Variants in UTRN observed in about 807,000 individuals in gnomAD.
The protein encoded by UTRN is dystrophin-related protein 1.
In UTRN, 283 loss-of-function variants were observed where a neutral mutation model predicts 463.9. The ratio of observed to expected loss-of-function variants is 0.61; its 90% CI spans 0.55 to 0.67. The LOEUF is 0.67. UTRN is among the 30% of genes least tolerant of loss of function. The pLI is 0.00. For synonymous variants in UTRN, 1,442 were observed against 1,431.5 expected (o/e 1.01, Z -0.17); for missense variants, 3,922 against 4,084.3 (o/e 0.96, Z 1.08).
At chr6:144,433,507 G>C (rs1474708720) in intron 9 of UTRN, among the ~76,000 whole-genome samples, 19 of 152,014 alleles carry the variant, frequency 1.2e-4, no homozygotes, top group African/African-American at 3.4e-4. Context: ...CTTCCCAGAC[G>C]GGGTGGCTGC....
intron 7 of UTRN, 74 bp downstream of exon 7, chr6:144,426,533 A>T: frequency 7.0e-7 from 1 of 1,438,600 alleles, no homozygotes; most frequent in Non-Finnish European, 9.3e-7. Flanking sequence ...TGCCACCACT[A>T]CTCCCTGAAG....
At chr6:144,384,698 G>A (rs1208785133) in intron 2 of UTRN, among the ~76,000 whole-genome samples, 1 of 152,128 alleles carries the variant, frequency 6.6e-6, no homozygotes, top group East Asian at 1.9e-4. Flanking sequence ...TTAGCACACT[G>A]TCCTCCATGT....
intron 2 of UTRN, among the ~76,000 whole-genome samples, chr6:144,369,582 C>T (rs1277190509): frequency 6.6e-6 from 1 of 152,224 alleles, no homozygotes; most frequent in Non-Finnish European, 1.5e-5. Flanking sequence ...TGCCACTGCA[C>T]TCCAGCCTGG....
chr6:144,602,444 C>T (rs930271730), intron 51 of UTRN, among the ~76,000 whole-genome samples: 5 of 151,996 alleles, frequency 3.3e-5, no homozygotes, highest in African/African-American at 1.2e-4. Flanking sequence ...CGGCCTCCTA[C>T]AGCATATTTC....
chr6:144,827,438 G>C (rs773669705), intron 67 of UTRN, 52 bp downstream of exon 67: 2 of 1,610,758 alleles, frequency 1.2e-6, no homozygotes, highest in Non-Finnish European at 1.7e-6. Flanking sequence ...AGTGGTACTA[G>C]CATGGGGGTC....
chr6:144,368,949 T>C (rs1779749084), intron 2 of UTRN, among the ~76,000 whole-genome samples: 1 of 152,210 alleles, frequency 6.6e-6, no homozygotes, highest in Non-Finnish European at 1.5e-5. Flanking sequence ...GTTTGGTTTA[T>C]CTTTTAATTT....
At chr6:144,746,143 G>A (rs571141081) in intron 54 of UTRN, among the ~76,000 whole-genome samples, 1 of 152,006 alleles carries the variant, frequency 6.6e-6, no homozygotes, top group South Asian at 2.1e-4. Context: ...TGGGACTACA[G>A]GCATGCGCTA....
At chr6:144,831,678 C>T (rs1780685832) in intron 69 of UTRN, among the ~76,000 whole-genome samples, 1 of 152,142 alleles carries the variant, frequency 6.6e-6, no homozygotes. Context: ...AAAAATTGAG[C>T]AGTGACATCT....
rs144000098 is a variant in UTRN, at chr6:144,446,231, G to A, written c.1615-980G>A. Among the ~76,000 whole-genome samples, 492 of 152,120 alleles carry A rather than the reference G, an allele frequency of 3.2e-3. 11 individuals are homozygous for A. In the South Asian group the frequency reaches 0.048, roughly 15 times the overall value. ...TTAGGTTTTAAACTGACCTTTCATC[G>A]TGTTCTATAATGATCTGACATTTTA... On this transcript the variant is annotated intron_variant, in intron 14 of 74. Transcript: ENST00000367545.
Position 144,403,081 on chromosome 6 carries a change from ACT to A in UTRN, c.80-38_80-37del, listed in dbSNP as rs768754430. 3 of 1,562,576 alleles carry A rather than the reference ACT, an allele frequency of 1.9e-6. No homozygotes were observed. The South Asian group carries it at 3.4e-5, about 17-fold the overall frequency. On this transcript the variant is annotated intron_variant, in intron 2 of 74. Transcript: ENST00000367545. ...ATTTGGTGCTTTACTAAAGGTACAG[ACT>A]CTCATACTTTTTCCTTCTCTTTCTT...
At position 144,839,243 on chromosome 6, in the gene UTRN, C is replaced by T. The variant is rs1034994522; in HGVS notation, c.10136C>T (p.Ser3379Leu). Reference sequence around the variant, plus strand: ...CCTCAGCATTCTGCACTGAGCTACTCGCTTGATCCAGATGCCTCCGGCCCA... The same window carrying T: ...CCTCAGCATTCTGCACTGAGCTACTTGCTTGATCCAGATGCCTCCGGCCCA... ...ASPQHSALSY[S>L]LDPDASGPQF... Residue 3379 changes from serine to leucine, a missense_variant, in exon 72 of 75, where the codon TCG becomes TTG. Ser to Leu is a moderately radical substitution (Grantham distance 145). This residue lies in a region of UTRN where 1,309 missense variants were observed against 1,452.6 expected (regional missense o/e 0.90). Transcript: ENST00000367545. The T allele has an allele frequency of 1.1e-5, 17 of 1,614,030 alleles. No individual in the cohort carries two copies. Among genetic ancestry groups the T allele is most frequent in the East Asian group, 6.7e-5 (3 of 44,866 alleles).
intron 3 of UTRN, among the ~76,000 whole-genome samples, chr6:144,412,716 A>ATGTTTG (rs1784006927): frequency 7.1e-6 from 1 of 140,762 alleles, no homozygotes; most frequent in Admixed American, 7.0e-5. Context: ...TACACTATAT[A>ATGTTTG]TGTTTGTGTG....
At chr6:144,669,400 A>G (rs571535267) in intron 51 of UTRN, among the ~76,000 whole-genome samples, 1 of 152,162 alleles carries the variant, frequency 6.6e-6, no homozygotes, top group Non-Finnish European at 1.5e-5. Flanking sequence ...GCATATGCCA[A>G]TTAAAGTATG....
chr6:144,596,762 A>G (rs948552329), intron 51 of UTRN, among the ~76,000 whole-genome samples: 1 of 152,132 alleles, frequency 6.6e-6, no homozygotes, highest in African/African-American at 2.4e-5. Context: ...ATTATTCTGT[A>G]TGCTTGAATA....
At chr6:144,635,514 C>CTTTTTTTTTTTTTTTTTTTTTTTT (rs1402815648) in intron 51 of UTRN, among the ~76,000 whole-genome samples, 11 of 80,008 alleles carry the variant, frequency 1.4e-4, no homozygotes, top group Non-Finnish European at 1.6e-4. Flanking sequence ...CTTTTTTTTT[C>CTTTTTTTTTTTTTTTTTTTTTTTT]TTTTTTTTTT....
chr6:144,431,487 T>C (rs1310636597), intron 9 of UTRN, among the ~76,000 whole-genome samples: 1 of 152,250 alleles, frequency 6.6e-6, no homozygotes, highest in Non-Finnish European at 1.5e-5. Flanking sequence ...ACTCTCCTAA[T>C]AGTCAGACTT....
chr6:144,681,882 A>C (rs1284268264), intron 52 of UTRN, among the ~76,000 whole-genome samples: 1 of 152,112 alleles, frequency 6.6e-6, no homozygotes, highest in Non-Finnish European at 1.5e-5. Flanking sequence ...ATATTTATGG[A>C]GTACACGAGA....
chr6:144,683,745 A>G (rs548555002), intron 52 of UTRN, among the ~76,000 whole-genome samples: 2 of 152,248 alleles, frequency 1.3e-5, no homozygotes, highest in Non-Finnish European at 2.9e-5. Flanking sequence ...CCTAGCAGCC[A>G]ATGAGAATAT....
At chr6:144,614,691 C>G (rs1397337960) in intron 51 of UTRN, among the ~76,000 whole-genome samples, 2 of 152,128 alleles carry the variant, frequency 1.3e-5, no homozygotes, top group Non-Finnish European at 2.9e-5. Context: ...TTAGAATGAT[C>G]CCTATGAATT....
Sources: allele counts gnomAD v4.1 joint callset (sites outside exome capture counted in the v4.1 genomes callset), GRCh38; gene constraint gnomAD v4.1.1; regional missense constraint gnomAD v4.1.1; transcripts MANE v1.5; gene names NCBI Gene and HGNC (gene_info 2026-07-23, HGNC 2026-07-21).